The following DOCK3 variants were observed in gnomAD, a reference collection of about 807,000 sequenced individuals.
DOCK3 encodes the protein dedicator of cytokinesis 3, also known as dedicator of cytokinesis protein 3.
Under a neutral mutation model 265.6 loss-of-function variants are expected in DOCK3, and 60 were observed. That is an observed-to-expected ratio of 0.23 (90% CI 0.18 to 0.28). DOCK3 has a LOEUF of 0.28. Ranked by LOEUF, DOCK3 falls within the 10% of genes least tolerant of loss-of-function variation. DOCK3 has a pLI of 1.00. For missense variants in DOCK3, 1,981 were observed against 2,594.3 expected, an observed-to-expected ratio of 0.76 and a Z score of 5.14; for synonymous variants, 881 against 938.0, an observed-to-expected ratio of 0.94 and a Z score of 1.11.
intron 12 of DOCK3, among the ~76,000 whole-genome samples, chr3:51,173,920 T>C (rs2107655536): frequency 6.6e-6 from 1 of 152,278 alleles, no homozygotes; most frequent in East Asian, 1.9e-4. Flanking sequence ...CTGGGACAAA[T>C]ATAATGCTTA....
At chr3:51,306,337 A>C (rs2082689425) in intron 27 of DOCK3, among the ~76,000 whole-genome samples, 1 of 152,086 alleles carries the variant, frequency 6.6e-6, no homozygotes, top group South Asian at 2.1e-4. Flanking sequence ...TGTTGCTTTC[A>C]AGATTCTCTT....
At chr3:51,134,203 C>T (rs2084691660) in intron 9 of DOCK3, among the ~76,000 whole-genome samples, 1 of 152,006 alleles carries the variant, frequency 6.6e-6, no homozygotes, top group African/African-American at 2.4e-5. Context: ...AGGTTGATTC[C>T]CTGTCTTTGC....
At chr3:50,880,831 G>C (rs1468051036) in intron 3 of DOCK3, among the ~76,000 whole-genome samples, 2 of 152,042 alleles carry the variant, frequency 1.3e-5, no homozygotes, top group African/African-American at 4.8e-5. Context: ...CCAAAAAAGA[G>C]AATTTTAGAC....
Position 51,239,312 on chromosome 3 carries a change from C to T in DOCK3, c.2102+1722C>T, listed in dbSNP as rs534919475. Reference sequence around the variant, plus strand: ...GTAACCTGCGCCTCCTGGGTTCAAGCGATCCTTCTGCCTCAGCCTCCTGAG... The same window carrying T: ...GTAACCTGCGCCTCCTGGGTTCAAGTGATCCTTCTGCCTCAGCCTCCTGAG... On this transcript the variant is annotated intron_variant, in intron 21 of 52. Coordinates refer to ENST00000266037, the MANE Select transcript of DOCK3 (RefSeq NM_004947.5). Among the ~76,000 whole-genome samples, 499 of 152,008 alleles carry T rather than the reference C, an allele frequency of 3.3e-3. 3 individuals carry two copies. Among genetic ancestry groups the T allele is most frequent in the African/African-American group, 0.011 (464 of 41,474 alleles).
intron 4 of DOCK3, among the ~76,000 whole-genome samples, chr3:50,893,638 TA>T (rs2048748388): frequency 6.6e-6 from 1 of 151,676 alleles, no homozygotes; most frequent in Non-Finnish European, 1.5e-5. Context: ...AGCAAACCAA[TA>T]TGCTCAATAT....
chr3:50,740,477 CA>C (rs2038944967), intron 1 of DOCK3, among the ~76,000 whole-genome samples: 2 of 152,230 alleles, frequency 1.3e-5, no homozygotes, highest in East Asian at 3.9e-4. Context: ...ATCATTTTTA[CA>C]TTCCACTAGT....
intron 1 of DOCK3, among the ~76,000 whole-genome samples, chr3:50,698,258 A>C (rs191191743): frequency 6.6e-6 from 1 of 152,182 alleles, no homozygotes; most frequent in East Asian, 1.9e-4. Flanking sequence ...ATTTCATATA[A>C]ATGGAATCAT....
intron 5 of DOCK3, among the ~76,000 whole-genome samples, chr3:50,953,967 A>C (rs2076662279): frequency 6.6e-6 from 1 of 152,160 alleles, no homozygotes; most frequent in African/African-American, 2.4e-5. Flanking sequence ...ACTATCATTA[A>C]GTGTATAGTT....
At chr3:50,768,925 CT>C (rs2041092248) in intron 1 of DOCK3, among the ~76,000 whole-genome samples, 2 of 151,716 alleles carry the variant, frequency 1.3e-5, no homozygotes, top group South Asian at 4.2e-4. Flanking sequence ...TTTTTTTTGT[CT>C]TTTTGATAAT....
intron 5 of DOCK3, among the ~76,000 whole-genome samples, chr3:50,968,574 G>A (rs542449691): frequency 2.5e-4 from 31 of 124,154 alleles, no homozygotes; most frequent in Admixed American, 2.1e-3. Context: ...TTTTTGAGAC[G>A]GAGTCTCTCT....
chr3:50,769,811 C>CAAAAA (rs3066895), intron 1 of DOCK3, among the ~76,000 whole-genome samples: 1 of 88,536 alleles, frequency 1.1e-5, no homozygotes, highest in South Asian at 4.2e-4. Context: ...GACTCTGTCT[C>CAAAAA]AAAAAAAAAA....
At position 51,361,829 on chromosome 3, in the gene DOCK3, C is replaced by T. The variant is rs1171269713; in HGVS notation, c.5007-30C>T. 6.2e-7 allele frequency: 1 copy of T among 1,606,438 alleles called. No individual in the cohort carries two copies. Among genetic ancestry groups the T allele is most frequent in the Admixed American group, 1.7e-5 (1 of 59,454 alleles). On this transcript the variant is annotated intron_variant, in intron 47 of 52. Coordinates refer to ENST00000266037, the MANE Select transcript of DOCK3 (RefSeq NM_004947.5). This position sits in a 1 kb window ranked among gnomAD's most constrained non-coding sequence, Gnocchi z 4.2. ...CCCCTGCCACCTGCCATGGGCCTGA[C>T]TCCTCCCTATTTCCCACTCTTGCTC...
At chr3:51,289,646 G>A (rs904284955) in intron 27 of DOCK3, among the ~76,000 whole-genome samples, 1 of 150,494 alleles carries the variant, frequency 6.6e-6, no homozygotes, top group Admixed American at 6.6e-5. Context: ...TTTTTTTTAA[G>A]ACCCAACTAT....
chr3:50,907,624 C>T (rs947440750), intron 4 of DOCK3, among the ~76,000 whole-genome samples: 2 of 152,102 alleles, frequency 1.3e-5, no homozygotes, highest in East Asian at 3.8e-4. Flanking sequence ...TCCTCCATCC[C>T]TTTATTTTGA....
At chr3:51,158,181 GTACAA>G in intron 10 of DOCK3, among the ~76,000 whole-genome samples, 1 of 152,236 alleles carries the variant, frequency 6.6e-6, no homozygotes, top group Non-Finnish European at 1.5e-5. Context: ...GTTATTTCAA[GTACAA>G]TACATTTAAA....
chr3:50,943,958 A>G (rs144272027), intron 5 of DOCK3, among the ~76,000 whole-genome samples: 51 of 152,302 alleles, frequency 3.3e-4, no homozygotes, highest in African/African-American at 9.6e-4. Context: ...ATGAAAAAAC[A>G]TATAAATCTT....
intron 4 of DOCK3, among the ~76,000 whole-genome samples, chr3:50,915,963 T>A (rs916529049): frequency 6.6e-6 from 1 of 151,806 alleles, no homozygotes; most frequent in Non-Finnish European, 1.5e-5. Flanking sequence ...AGCCATAGAT[T>A]TGGGATGGTT....
rs2088070943 is a variant in DOCK3, at chr3:51,193,384, GT to G, written c.1038-15388del. ...ATATTGACATATAGTTTTCGTTGTT[GT>G]TGTTGTGTTCTTGCCTGGTTTTGGT... is the stretch of plus-strand genomic sequence containing the variant. On this transcript the variant is annotated intron_variant, in intron 12 of 52. Transcript: ENST00000266037. Among the ~76,000 whole-genome samples, 4 of 152,236 alleles carry G rather than the reference GT, an allele frequency of 2.6e-5. No individual in the cohort carries two copies. In the South Asian group the frequency reaches 8.3e-4, roughly 32 times the overall value.
intron 1 of DOCK3, among the ~76,000 whole-genome samples, chr3:50,687,817 TC>T (rs1157878694): frequency 1.3e-5 from 2 of 152,198 alleles, no homozygotes; most frequent in Non-Finnish European, 2.9e-5. Flanking sequence ...TGATATGTAA[TC>T]ATTCAAAGAC....
Sources: gnomAD v4.1 joint callset for allele counts (sites outside exome capture counted in the v4.1 genomes callset) on GRCh38, gnomAD v4.1.1 for gene constraint, Gnocchi (gnomAD v3.1) non-coding constraint, MANE v1.5 for transcripts, NCBI Gene and HGNC (gene_info 2026-07-23, HGNC 2026-07-21) for gene names.